The following BSND variants were observed in gnomAD, a reference collection of about 807,000 sequenced individuals.
The protein encoded by BSND is barttin CLCNK type accessory subunit beta.
BSND carries 13 observed loss-of-function variants against 18.8 expected under a neutral mutation model. The observed-to-expected ratio is 0.69, with a 90% confidence interval of 0.45 to 1.10. The LOEUF is 1.10. Among genes scored for constraint, BSND ranks in the 50% least tolerant of loss-of-function variants. BSND has a pLI of 0.00. For synonymous variants in BSND, 170 were observed against 161.8 expected, an observed-to-expected ratio of 1.05 and a Z score of -0.39; for missense variants, 379 against 416.7, an observed-to-expected ratio of 0.91 and a Z score of 0.79.
In BSND at chr1:55,013,618, G is replaced by C. The variant is rs1644434383; in HGVS notation, c.*4990G>C. ...GTAGCCCCAGGCCATTCTGACCCTA[G>C]TGGGACAGGAGAAAAATCAGTATCA... On this transcript the variant is annotated 3_prime_UTR_variant, in exon 4 of 4. Transcript: ENST00000651561. 6.6e-6 allele frequency among the ~76,000 whole-genome samples: 1 copy of C among 152,172 alleles called. No homozygotes were observed. The highest frequency in any genetic ancestry group is 2.4e-5 in the African/African-American group (1 of 41,420).
intron 3 of BSND, 72 bp downstream of exon 3, chr1:55,007,344 G>A (rs894066625): frequency 1.6e-5 from 17 of 1,081,334 alleles, no homozygotes; most frequent in African/African-American, 1.1e-4. Context: ...GTGGGGGACC[G>A]CCGAGGGGTG....
chr1:54,999,020 C>A lies in BSND; in HGVS notation c.-167C>A. The A allele has an allele frequency of 2.6e-6, 2 of 776,808 alleles. No individual in the cohort carries two copies. The highest frequency in any genetic ancestry group is 1.7e-5 in the South Asian group (1 of 57,522). The allele number at this position is 776,808 out of a possible 1,614,324, so 48.1% of individuals were successfully genotyped here. A position where few individuals can be genotyped will look rare whatever the true frequency, so the allele number is the denominator to read the frequency against. On this transcript the variant is annotated 5_prime_UTR_variant, in exon 1 of 4. Transcript: ENST00000651561. ...CCTCCAGCCCTGTTGAACTGGTGGG[C>A]CCAGGGACTGGAGCGGGATTGAAAG...
chr1:55,005,158 T>G (rs1378671560), intron 2 of BSND, 42 bp downstream of exon 2: 1 of 1,578,208 alleles, frequency 6.3e-7, no homozygotes, highest in African/African-American at 1.3e-5. Flanking sequence ...GTAAGCCCCA[T>G]AGGCCAGTCT....
Position 54,999,077 on chromosome 1 carries a change from C to T in BSND, c.-110C>T, listed in dbSNP as rs1644347339. On this transcript the variant is annotated 5_prime_UTR_variant, in exon 1 of 4. Coordinates refer to ENST00000651561, the MANE Select transcript of BSND (RefSeq NM_057176.3). ...TGCTCTCCCTTGAAGCCTTGAGTTG[C>T]AGCGATTTCAGTGTCTTCTCTCCCT... 6 of 1,356,094 alleles carry T rather than the reference C, an allele frequency of 4.4e-6. No homozygotes were observed. Among genetic ancestry groups the T allele is most frequent in the Non-Finnish European group, 6.2e-6 (6 of 967,012 alleles). 84.0% of individuals were successfully genotyped at this position (1,356,094 alleles called of 1,614,324 possible). A position where few individuals can be genotyped will look rare whatever the true frequency, so the allele number is the denominator to read the frequency against.
In BSND at chr1:55,008,453, T is replaced by G. The variant is rs764797198; in HGVS notation, c.788T>G (p.Leu263Arg). 3.7e-6 allele frequency: 6 copies of G among 1,614,166 alleles called. No individual in the cohort carries two copies. The highest frequency in any genetic ancestry group is 1.1e-5 in the South Asian group (1 of 91,082). Residue 263 changes from leucine (L) to arginine (R), a missense_variant, in exon 4 of 4, where the codon CTG becomes CGG. Physicochemically the swap from Leu to Arg is moderately radical, Grantham distance 102. Coordinates refer to ENST00000651561, the MANE Select transcript of BSND (RefSeq NM_057176.3). ...GAGGGGCAGCAGTGGGAAATAGCCC[T>G]GCCCAACAACTGGCAGCGGTACCCA... ...PQEGQQWEIA[L>R]PNNWQRYPRT...
rs1644408958 is a variant in BSND at position 55,009,183 on chromosome 1, C to T, written c.*555C>T. ...TCCAGTTCCAAGCCTAGCCCCCCTG[C>T]CCATCTTGCGGCTCACACTCTTGCC... On this transcript the variant is annotated 3_prime_UTR_variant, in exon 4 of 4. Coordinates refer to ENST00000651561, the MANE Select transcript of BSND (RefSeq NM_057176.3). 4 of 171,556 alleles carry T rather than the reference C, an allele frequency of 2.3e-5. No homozygotes were observed. In the South Asian group the frequency reaches 5.7e-4, roughly 24 times the overall value. 10.6% of individuals were successfully genotyped at this position (171,556 alleles called of 1,614,324 possible).
At chr1:55,006,966 TGCC>T in intron 2 of BSND, 28 bp from the exon 3 acceptor site, 1 of 1,613,176 alleles carries the variant, frequency 6.2e-7, no homozygotes, top group Non-Finnish European at 8.5e-7. Context: ...AGTGACTCTT[TGCC>T]GCCTGCCTGT....
Position 55,012,933 on chromosome 1 carries a change from CCATAAAT to C in BSND, c.*4309_*4315del, listed in dbSNP as rs1644429764. On this transcript the variant is annotated 3_prime_UTR_variant, in exon 4 of 4. Coordinates refer to ENST00000651561, the MANE Select transcript of BSND (RefSeq NM_057176.3). The stretch of plus-strand genomic sequence containing the variant: ...GCAGCTGCTGAGTGTCAGGTGCTTC[CCATAAAT>C]CATTTCATTGAATTTAATTTTTCCA... Among the ~76,000 whole-genome samples the C allele has an allele frequency of 6.6e-6, 1 of 152,094 alleles. No individual in the cohort carries two copies. Among genetic ancestry groups the C allele is most frequent in the Non-Finnish European group, 1.5e-5 (1 of 68,020 alleles).
At chr1:55,004,118 A>C (rs1644377144) in intron 1 of BSND, among the ~76,000 whole-genome samples, 1 of 152,216 alleles carries the variant, frequency 6.6e-6, no homozygotes, top group Non-Finnish European at 1.5e-5. Flanking sequence ...CTTTCTGCTC[A>C]GCATAATGTC....
At chr1:55,006,209 A>G (rs1010173291) in intron 2 of BSND, among the ~76,000 whole-genome samples, 2 of 152,166 alleles carry the variant, frequency 1.3e-5, no homozygotes, top group Non-Finnish European at 2.9e-5. Context: ...CCCTGTGGGT[A>G]TGGAGGCCAG....
rs1644425805 is a variant in BSND at position 55,012,211 on chromosome 1, T to C, written c.*3583T>C. Among the ~76,000 whole-genome samples, 1 of 152,172 alleles carries C rather than the reference T, an allele frequency of 6.6e-6. No individual in the cohort carries two copies. Among genetic ancestry groups the C allele is most frequent in the African/African-American group, 2.4e-5 (1 of 41,440 alleles). ...TCACAGCCCTCCCTGGGCTCCTCTA[T>C]TCTCTGTAAAATTGGGTGAGGGTGG... On this transcript the variant is annotated 3_prime_UTR_variant, in exon 4 of 4. Transcript: ENST00000651561.
rs370263422 is a variant in BSND at position 55,007,693 on chromosome 1, T to C, written c.548+421T>C. On this transcript the variant is annotated intron_variant, in intron 3 of 3. Transcript: ENST00000651561. ...TTCAAATTTGGGTCTGCTGCTGACC[T>C]GCTCTGTGACCTTGGGCAAGGCCCT... Among the ~76,000 whole-genome samples the C allele has an allele frequency of 5.9e-5, 9 of 152,268 alleles. No individual in the cohort carries two copies. The East Asian group carries it at 1.7e-3, about 29-fold the overall frequency.
intron 1 of BSND, 135 bp from the exon 2 acceptor site, chr1:55,004,887 T>A: frequency 1.3e-6 from 1 of 767,114 alleles, no homozygotes; most frequent in South Asian, 1.5e-5. Flanking sequence ...TAGGCCCCTC[T>A]CCTGTCAAGC....
rs1339575687 is a variant in BSND, at chr1:55,011,186, T to C, written c.*2558T>C. 1.3e-5 allele frequency: 2 copies of C among 152,232 alleles called. No homozygotes were observed. The highest frequency in any genetic ancestry group is 4.8e-5 in the African/African-American group (2 of 41,422). 9.4% of individuals were successfully genotyped at this position (152,232 alleles called of 1,614,324 possible). A position where few individuals can be genotyped will look rare whatever the true frequency, so the allele number is the denominator to read the frequency against. ...AGCATCTGCAGGGGGCTTGGGGTAG[T>C]GGAGTGAGATGGTGAGACCCAGGCT... On this transcript the variant is annotated 3_prime_UTR_variant, in exon 4 of 4. Coordinates refer to ENST00000651561, the MANE Select transcript of BSND (RefSeq NM_057176.3).
chr1:55,007,846 G>A (rs895458392), intron 3 of BSND, among the ~76,000 whole-genome samples: 1 of 152,132 alleles, frequency 6.6e-6, no homozygotes, highest in Non-Finnish European at 1.5e-5. Context: ...TACCCCTGAG[G>A]AGCTCTGAGT....
At chr1:55,004,132 G>T (rs552551904) in intron 1 of BSND, among the ~76,000 whole-genome samples, 8 of 152,192 alleles carry the variant, frequency 5.3e-5, no homozygotes, top group Non-Finnish European at 1.2e-4. Context: ...TAATGTCCTC[G>T]AGGTTCAGTG....
At chr1:55,008,145 C>T (rs1034836498) in intron 3 of BSND, 69 bp from the exon 4 acceptor site, 39 of 1,370,970 alleles carry the variant, frequency 2.8e-5, no homozygotes, top group Admixed American at 3.5e-5. Context: ...TTGCAGCTAG[C>T]GGCTGGAATG....
chr1:55,003,485 CT>C (rs1171222388), intron 1 of BSND, among the ~76,000 whole-genome samples: 22 of 152,322 alleles, frequency 1.4e-4, no homozygotes, highest in Admixed American at 3.9e-4. Context: ...AGAAAGCGCA[CT>C]CCTCATAGGA....
intron 1 of BSND, among the ~76,000 whole-genome samples, chr1:55,003,954 C>T (rs949259466): frequency 1.3e-5 from 2 of 152,196 alleles, no homozygotes; most frequent in African/African-American, 4.8e-5. Flanking sequence ...TTCCAGAATG[C>T]TTTTTGTCTT....
Sources: allele counts gnomAD v4.1 joint callset (sites outside exome capture counted in the v4.1 genomes callset), GRCh38; gene constraint gnomAD v4.1.1; transcripts MANE v1.5; gene names NCBI Gene and HGNC (gene_info 2026-07-23, HGNC 2026-07-21).